Variants in ATG16L2 observed in about 807,000 individuals in gnomAD.
The protein encoded by ATG16L2 is autophagy related 16 like 2.
Under a neutral mutation model 84.7 loss-of-function variants are expected in ATG16L2, and 77 were observed. The ratio of observed to expected loss-of-function variants is 0.91; its 90% CI spans 0.76 to 1.10. ATG16L2 has a LOEUF of 1.10. Among genes scored for constraint, ATG16L2 ranks in the 50% least tolerant of loss-of-function variants. ATG16L2 has a pLI of 0.00. For synonymous variants in ATG16L2, 361 were observed against 342.8 expected (o/e 1.05, Z -0.59); for missense variants, 782 against 817.6 (o/e 0.96, Z 0.53).
At chr11:72,840,468 G>A (rs755534483) in intron 5 of ATG16L2, among the ~76,000 whole-genome samples, 2 of 152,122 alleles carry the variant, frequency 1.3e-5, no homozygotes, top group Admixed American at 6.6e-5. Context: ...ATATTCACCC[G>A]GAGAATAAAC....
At chr11:72,821,576 T>A (rs1864652) in intron 3 of ATG16L2, 92 bp from the exon 4 acceptor site, 4 of 1,493,798 alleles carry the variant, frequency 2.7e-6, no homozygotes, top group Non-Finnish European at 3.5e-6. Context: ...GGCGGGCAGG[T>A]GAGCAGCCGA....
chr11:72,828,739 T>C lies in ATG16L2; in HGVS notation c.1633T>C (p.Phe545Leu). The change falls in exon 16 of 18, where the codon TTC (phenylalanine) becomes CTC (leucine). Residue 545 changes from phenylalanine (F) to leucine (L), a missense_variant. Transcript: ENST00000321297. ...NIRQVFRADG[F>L]KCGSDWTKAV... is the part of the protein sequence containing the mutation. ...CCTGTCTGTCCTCAGGGCCGATGGC[T>C]TCAAGTGTGGTTCTGACTGGACCAA... 1 of 1,614,120 alleles carries C rather than the reference T, an allele frequency of 6.2e-7. No individual in the cohort carries two copies. Among genetic ancestry groups the C allele is most frequent in the East Asian group, 2.2e-5 (1 of 44,874 alleles).
chr11:72,829,100 G>T, intron 17 of ATG16L2, 116 bp downstream of exon 17: 1 of 1,179,928 alleles, frequency 8.5e-7, no homozygotes, highest in South Asian at 1.3e-5. Flanking sequence ...CCTTCCACCC[G>T]ACCAGAGCCC....
chr11:72,823,015 CT>C, intron 7 of ATG16L2, 54 bp downstream of exon 7: 1 of 1,287,580 alleles, frequency 7.8e-7, no homozygotes, highest in East Asian at 2.5e-5. Flanking sequence ...ACCCCAGAGG[CT>C]GCCAGGGTCT....
chr11:72,840,464 A>C (rs1210649286), intron 5 of ATG16L2, among the ~76,000 whole-genome samples: 1 of 152,154 alleles, frequency 6.6e-6, no homozygotes, highest in Non-Finnish European at 1.5e-5. Flanking sequence ...TAATATATTC[A>C]CCCGGAGAAT....
chr11:72,825,171 G>C, intron 9 of ATG16L2, 131 bp from the exon 10 acceptor site: 1 of 711,434 alleles, frequency 1.4e-6, no homozygotes, highest in Non-Finnish European at 2.4e-6. Context: ...AGTGTGGACA[G>C]AGAAACTGGG....
intron 3 of ATG16L2, among the ~76,000 whole-genome samples, chr11:72,819,287 GTC>G (rs998564856): frequency 2.6e-5 from 4 of 151,986 alleles, no homozygotes; most frequent in Admixed American, 1.3e-4. Context: ...ATCCATCAAT[GTC>G]TCTCTGTTTC....
At chr11:72,819,598 G>C (rs762949035) in intron 3 of ATG16L2, among the ~76,000 whole-genome samples, 3 of 152,096 alleles carry the variant, frequency 2.0e-5, no homozygotes, top group Non-Finnish European at 2.9e-5. Flanking sequence ...GGCTCTTGTC[G>C]CATTTCCTGC....
rs1423713745 is a variant in ATG16L2 at position 72,816,833 on chromosome 11, T to G, written c.218+6T>G. ...ACCACCCACCAGGGCCCCTGGTAAG[T>G]GTATGTGGGTCCGTGGTCACAAAGG... is the stretch of plus-strand genomic sequence containing the variant. On this transcript the variant is annotated splice_donor_region_variant and intron_variant, in intron 2 of 17. Coordinates refer to ENST00000321297, the MANE Select transcript of ATG16L2 (RefSeq NM_033388.2). 12 of 1,612,830 alleles carry G rather than the reference T, an allele frequency of 7.4e-6. No individual in the cohort carries two copies. The highest frequency in any genetic ancestry group is 1.0e-5 in the Non-Finnish European group (12 of 1,178,862).
Sources: gnomAD v4.1 joint callset for allele counts (sites outside exome capture counted in the v4.1 genomes callset) on GRCh38, gnomAD v4.1.1 for gene constraint, MANE v1.5 for transcripts, NCBI Gene and HGNC (gene_info 2026-07-23, HGNC 2026-07-21) for gene names.